Variants in RADIL observed in about 807,000 individuals in gnomAD.
The protein encoded by RADIL is Rap associating with DIL domain, also known as ras-associating and dilute domain-containing protein.
RADIL carries 99 observed loss-of-function variants against 97.6 expected under a neutral mutation model. That is an observed-to-expected ratio of 1.01 (90% CI 0.86 to 1.20). The LOEUF (loss-of-function observed/expected upper bound fraction) is 1.20, where lower values mean the gene tolerates loss of function less well. Among genes scored for constraint, RADIL ranks in the 50% most tolerant of loss-of-function variants. The pLI, the probability that RADIL is intolerant of heterozygous loss-of-function variation, is 0.00. For missense variants in RADIL, 1,765 were observed against 1,498.9 expected, an observed-to-expected ratio of 1.18 and a Z score of -2.93; for synonymous variants, 803 against 691.8, an observed-to-expected ratio of 1.16 and a Z score of -2.52.
intron 2 of RADIL, chr7:4,859,982 A>G (rs1337156456): frequency 6.2e-7 from 1 of 1,614,040 alleles, no homozygotes; most frequent in South Asian, 1.1e-5. Flanking sequence ...TCTGGCGACC[A>G]TGGCCTTTGG....
Position 4,814,527 on chromosome 7 carries a change from G to C in RADIL, c.2139+751C>G, listed in dbSNP as rs946991015. On this transcript the variant is annotated intron_variant, in intron 9 of 14. Transcript: ENST00000399583. The surrounding 1 kb of genome is among the most constrained non-coding windows in gnomAD (Gnocchi z 4.5). ...TTTCCATTAATTACCTGTGATGACT[G>C]TGTTGGGAAGGGGGGTGGTGAGTGG... 2.6e-5 allele frequency among the ~76,000 whole-genome samples: 4 copies of C among 151,938 alleles called. No individual in the cohort carries two copies.
chr7:4,860,058 T>G (rs754940717), intron 2 of RADIL: 17 of 1,613,924 alleles, frequency 1.1e-5, no homozygotes, highest in Non-Finnish European at 1.4e-5. Flanking sequence ...ACCCCTGAAC[T>G]TTCATTGGTA....
At chr7:4,812,596 A>G (rs755873879) in intron 9 of RADIL, among the ~76,000 whole-genome samples, 4 of 151,926 alleles carry the variant, frequency 2.6e-5, no homozygotes, top group East Asian at 3.9e-4. Context: ...TAATTTTTGT[A>G]TTTTTAGTTG....
Position 4,815,423 on chromosome 7 carries a change from G to A in RADIL, c.1994C>T (p.Pro665Leu). The A allele has an allele frequency of 6.5e-7, 1 of 1,547,030 alleles. No individual in the cohort carries two copies. Among genetic ancestry groups the A allele is most frequent in the African/African-American group, 1.4e-5 (1 of 73,934 alleles). ...RGPSLSCFHW[P>L]RGVQACARLQ... ...GCGGGCGCAGGCCTGGACACCTCTG[G>A]GCCAGTGGAAGCAGCTCAGGGAGGG... The change falls in exon 9 of 15, where the codon CCC becomes CTC. Residue 665 changes from proline to leucine, a missense_variant. By Grantham distance (98) the Pro-to-Leu change is moderately conservative. Transcript: ENST00000399583. The surrounding 1 kb of genome is among the most constrained non-coding windows in gnomAD (Gnocchi z 8.0).
chr7:4,831,898 C>A (rs1476325664), intron 5 of RADIL, among the ~76,000 whole-genome samples: 1 of 144,756 alleles, frequency 6.9e-6, no homozygotes. Flanking sequence ...AAAACAAAAA[C>A]AAACAAAAAA....
chr7:4,799,887 C>G, intron 13 of RADIL, 118 bp from the exon 14 acceptor site: 1 of 1,379,888 alleles, frequency 7.2e-7, no homozygotes, highest in South Asian at 1.5e-5. Context: ...GCCAGGCCCA[C>G]TCATGGTTTC....
rs776936065 is a variant in RADIL, at chr7:4,822,365, G to A, written c.1615+29C>T. The A allele has an allele frequency of 4.4e-6, 7 of 1,593,954 alleles. No homozygotes were observed. The South Asian group carries it at 6.8e-5, about 15-fold the overall frequency. On this transcript the variant is annotated intron_variant, in intron 6 of 14. Transcript: ENST00000399583. This position sits in a 1 kb window ranked among gnomAD's most constrained non-coding sequence, Gnocchi z 5.3. The stretch of plus-strand genomic sequence containing the variant: ...CACTCCCCTGCCTGGGGTGCTGGCG[G>A]GGGGAATGGAGGGCAGCGCCAGCCG...
At chr7:4,829,067 G>T (rs1783071443) in intron 5 of RADIL, among the ~76,000 whole-genome samples, 1 of 152,160 alleles carries the variant, frequency 6.6e-6, no homozygotes, top group African/African-American at 2.4e-5. Context: ...GCCCCAGAGG[G>T]AGGCCACCAC....
rs1562433109 is a variant in RADIL, at chr7:4,814,379, C to T, written c.2139+899G>A. ...TGTCGCTCAAGGTGGAGTGCAGTGG[C>T]ATGATCTCGGCTCACTGCAACCTCT... On this transcript the variant is annotated intron_variant, in intron 9 of 14. Coordinates refer to ENST00000399583, the MANE Select transcript of RADIL (RefSeq NM_018059.5). This position sits in a 1 kb window ranked among gnomAD's most constrained non-coding sequence, Gnocchi z 4.5. Among the ~76,000 whole-genome samples, 2 of 152,112 alleles carry T rather than the reference C, an allele frequency of 1.3e-5. No individual in the cohort carries two copies. Among genetic ancestry groups the T allele is most frequent in the African/African-American group, 4.8e-5 (2 of 41,408 alleles).
At chr7:4,877,139 T>C (rs868595271) in intron 2 of RADIL, among the ~76,000 whole-genome samples, 3 of 152,306 alleles carry the variant, frequency 2.0e-5, no homozygotes, top group Middle Eastern at 3.4e-3. Context: ...TCCTGCTGCG[T>C]AGACAAACTA....
At chr7:4,825,940 A>G (rs1454757265) in intron 5 of RADIL, among the ~76,000 whole-genome samples, 2 of 150,642 alleles carry the variant, frequency 1.3e-5, no homozygotes, top group Non-Finnish European at 2.9e-5. Flanking sequence ...GTTGCAGGAA[A>G]CTGTTAAAGG....
At chr7:4,812,016 G>A (rs982000510) in intron 9 of RADIL, among the ~76,000 whole-genome samples, 12 of 151,566 alleles carry the variant, frequency 7.9e-5, no homozygotes, top group Non-Finnish European at 1.5e-4. Flanking sequence ...CTGGGACCAC[G>A]GGCATGCATC....
Position 4,818,557 on chromosome 7 carries a change from G to T in RADIL, c.1616-1206C>A, listed in dbSNP as rs1782739829. 6.6e-6 allele frequency among the ~76,000 whole-genome samples: 1 copy of T among 152,206 alleles called. No homozygotes were observed. Among genetic ancestry groups the T allele is most frequent in the African/African-American group, 2.4e-5 (1 of 41,458 alleles). ...GGACCCCGGGGTCCGGGGCAGTAAG[G>T]GGCTCTCGGGCTCTGCCAACCTCAA... On this transcript the variant is annotated intron_variant, in intron 6 of 14. Coordinates refer to ENST00000399583, the MANE Select transcript of RADIL (RefSeq NM_018059.5). This position sits in a 1 kb window ranked among gnomAD's most constrained non-coding sequence, Gnocchi z 7.1.
intron 2 of RADIL, among the ~76,000 whole-genome samples, chr7:4,841,078 T>C (rs987950408): frequency 1.3e-5 from 2 of 152,220 alleles, no homozygotes; most frequent in African/African-American, 2.4e-5. Flanking sequence ...TAATTTTAGA[T>C]GGGAAGTTAT....
chr7:4,871,649 G>A (rs1273325929), intron 2 of RADIL, among the ~76,000 whole-genome samples: 2 of 152,144 alleles, frequency 1.3e-5, no homozygotes, highest in Non-Finnish European at 2.9e-5. Context: ...CCACACTCCT[G>A]GACGGCCACA....
rs745969911 is a variant in RADIL, at chr7:4,861,579, G to A, written c.535+16026C>T. 5.6e-6 allele frequency: 9 copies of A among 1,613,540 alleles called. No individual in the cohort carries two copies. In the Admixed American group the frequency reaches 8.3e-5, roughly 15 times the overall value. On this transcript the variant is annotated intron_variant, in intron 2 of 14. Transcript: ENST00000399583. ...AGACTCTTGCTTTCACTGATTTCGC[G>A]TATCCATTCCTTTACCAGATTATTT...
intron 9 of RADIL, among the ~76,000 whole-genome samples, chr7:4,808,135 C>T (rs1240557947): frequency 7.7e-6 from 1 of 130,154 alleles, no homozygotes; most frequent in African/African-American, 3.0e-5. Context: ...TTCCCCTCTT[C>T]CTCTCTCCCC....
chr7:4,851,882 C>A (rs1270989112), intron 2 of RADIL, among the ~76,000 whole-genome samples: 1 of 152,174 alleles, frequency 6.6e-6, no homozygotes, highest in Non-Finnish European at 1.5e-5. Context: ...TCTGGACAAC[C>A]CTTTGCTGAA....
In RADIL at chr7:4,872,997, G is replaced by A. The variant is rs1398314584; in HGVS notation, c.535+4608C>T. Among the ~76,000 whole-genome samples, 2 of 152,192 alleles carry A rather than the reference G, an allele frequency of 1.3e-5. No homozygotes were observed. The highest frequency in any genetic ancestry group is 6.5e-5 in the Admixed American group (1 of 15,272). On this transcript the variant is annotated intron_variant, in intron 2 of 14. Coordinates refer to ENST00000399583, the MANE Select transcript of RADIL (RefSeq NM_018059.5). The surrounding 1 kb of genome is among the most constrained non-coding windows in gnomAD (Gnocchi z 5.8). Reference sequence around the variant, plus strand: ...CTGTCACCCAGGCTGGAGTGCAGTGGTGCGATCTCAGCTCACTGCAACCTC... The same window carrying A: ...CTGTCACCCAGGCTGGAGTGCAGTGATGCGATCTCAGCTCACTGCAACCTC...
Sources: allele counts gnomAD v4.1 joint callset (sites outside exome capture counted in the v4.1 genomes callset), GRCh38; gene constraint gnomAD v4.1.1; non-coding constraint Gnocchi (gnomAD v3.1); transcripts MANE v1.5; gene names NCBI Gene and HGNC (gene_info 2026-07-23, HGNC 2026-07-21).